The following CNOT1 variants were observed in gnomAD, a reference collection of about 807,000 sequenced individuals.
CNOT1 encodes the protein CCR4-associated factor 1.
Under a neutral mutation model 273.8 loss-of-function variants are expected in CNOT1, and 15 were observed. The observed-to-expected ratio is 0.05, with a 90% CI of 0.04 to 0.08. The LOEUF is 0.08. Ranked by LOEUF, CNOT1 falls within the 10% of genes least tolerant of loss-of-function variation. The pLI is 1.00. For synonymous variants in CNOT1, 1,022 were observed against 1,005.5 expected, an observed-to-expected ratio of 1.02 and a Z score of -0.31; for missense variants, 1,644 against 2,912.2, an observed-to-expected ratio of 0.56 and a Z score of 10.02.
At chr16:58,615,070 C>T (rs1227311614) in intron 1 of CNOT1, among the ~76,000 whole-genome samples, 1 of 123,230 alleles carries the variant, frequency 8.1e-6, no homozygotes, top group Non-Finnish European at 1.9e-5. Flanking sequence ...TAGTGAATTA[C>T]TGAACCTGCA....
intron 16 of CNOT1, among the ~76,000 whole-genome samples, chr16:58,574,268 T>C (rs898705961): frequency 1.3e-5 from 2 of 151,884 alleles, no homozygotes; most frequent in African/African-American, 4.8e-5. Context: ...AGCAAGACCT[T>C]GCCACTTAAA....
intron 16 of CNOT1, among the ~76,000 whole-genome samples, chr16:58,563,142 C>G (rs915870339): frequency 1.3e-5 from 2 of 152,134 alleles, no homozygotes; most frequent in Admixed American, 6.5e-5. Context: ...AAATACAGTC[C>G]CATACCACAT....
At chr16:58,576,332 G>T in intron 14 of CNOT1, 131 bp downstream of exon 14, 1 of 1,335,376 alleles carries the variant, frequency 7.5e-7, no homozygotes, top group Non-Finnish European at 1.0e-6. Context: ...GGCTGGTCTC[G>T]AATTCCTGAC....
At chr16:58,557,521 TAG>T (rs1479955123) in intron 18 of CNOT1, among the ~76,000 whole-genome samples, 4 of 152,116 alleles carry the variant, frequency 2.6e-5, no homozygotes, top group Admixed American at 2.6e-4. Flanking sequence ...CTAACTAGAT[TAG>T]AGTCAATGAC....
chr16:58,556,148 A>G (rs2040622064), intron 19 of CNOT1, among the ~76,000 whole-genome samples: 1 of 152,224 alleles, frequency 6.6e-6, no homozygotes, highest in Non-Finnish European at 1.5e-5. Context: ...TTATTAACAC[A>G]AAAGTTAACT....
rs777575946 is a variant in CNOT1, at chr16:58,560,189, T to C, written c.2130+23A>G. 7 of 1,609,708 alleles carry C rather than the reference T, an allele frequency of 4.3e-6. No individual in the cohort carries two copies. The South Asian group carries it at 5.5e-5, about 13-fold the overall frequency. Reference sequence around the variant, plus strand: ...TCCAAATCTATGGCAAATGAAGATGTATCAAATGTAGCACTCATTTACCTG... The same window carrying C: ...TCCAAATCTATGGCAAATGAAGATGCATCAAATGTAGCACTCATTTACCTG... On this transcript the variant is annotated intron_variant, in intron 17 of 48. Transcript: ENST00000317147.
intron 1 of CNOT1, among the ~76,000 whole-genome samples, chr16:58,606,507 A>G (rs2042680886): frequency 6.6e-6 from 1 of 152,192 alleles, no homozygotes; most frequent in Admixed American, 6.5e-5. Context: ...AAATGAGTGT[A>G]AAGATTATCT....
chr16:58,524,618 A>G lies in CNOT1; in HGVS notation c.6784+561T>C, dbSNP rs185677583. On this transcript the variant is annotated intron_variant, in intron 46 of 48. Transcript: ENST00000317147. ...TTAAAGAGTAGTGTCCCCCTAAAATATATGTATGCAAAACTGGACAGGACT... is the reference window on the plus strand; with the variant it reads ...TTAAAGAGTAGTGTCCCCCTAAAATGTATGTATGCAAAACTGGACAGGACT... 6.6e-5 allele frequency among the ~76,000 whole-genome samples: 10 copies of G among 152,244 alleles called. No individual in the cohort carries two copies. In the East Asian group the frequency reaches 1.4e-3, roughly 21 times the overall value.
intron 1 of CNOT1, among the ~76,000 whole-genome samples, chr16:58,627,890 C>G (rs1008020823): frequency 6.6e-6 from 1 of 152,186 alleles, no homozygotes; most frequent in Non-Finnish European, 1.5e-5. Context: ...TGCAGTAGCT[C>G]TATCTCGGCT....
intron 10 of CNOT1, 43 bp downstream of exon 10, chr16:58,582,750 A>C (rs1052277414): frequency 3.5e-6 from 4 of 1,144,488 alleles, no homozygotes; most frequent in Non-Finnish European, 5.3e-6. Flanking sequence ...GGACTATATC[A>C]TTCAAATACC....
intron 40 of CNOT1, among the ~76,000 whole-genome samples, chr16:58,533,942 C>A (rs1442695437): frequency 6.6e-6 from 1 of 151,916 alleles, no homozygotes; most frequent in South Asian, 2.1e-4. Context: ...CCAGCTTGGG[C>A]AACATGGTAA....
rs1348611614 is a variant in CNOT1, at chr16:58,614,274, T to C, written c.-174-14763A>G. On this transcript the variant is annotated intron_variant, in intron 1 of 48. Coordinates refer to ENST00000317147, the MANE Select transcript of CNOT1 (RefSeq NM_016284.5). ...GCTGTCCTTAGAAAGGCTTGCACAG[T>C]TGGCCCTTGGCTGGTCTCTGATAAC... Among the ~76,000 whole-genome samples the C allele has an allele frequency of 1.6e-5, 2 of 123,718 alleles. 1 individual carries two copies. The highest frequency in any genetic ancestry group is 3.8e-5 in the Non-Finnish European group (2 of 52,186). 81.2% of individuals were successfully genotyped at this position (123,718 alleles called of 152,430 possible).
chr16:58,627,030 C>T (rs2043612873), intron 1 of CNOT1, among the ~76,000 whole-genome samples: 1 of 151,926 alleles, frequency 6.6e-6, no homozygotes, highest in South Asian at 2.1e-4. Flanking sequence ...TGGACAAATT[C>T]CATTCTCTGG....
At chr16:58,628,754 G>C (rs2152063268) in intron 1 of CNOT1, among the ~76,000 whole-genome samples, 1 of 152,292 alleles carries the variant, frequency 6.6e-6, no homozygotes, top group Middle Eastern at 3.4e-3. Flanking sequence ...GGAAAAGTTT[G>C]TCATAAAGTT....
chr16:58,531,786 C>G (rs2039786012), intron 42 of CNOT1, among the ~76,000 whole-genome samples, 172 bp downstream of exon 42: 1 of 152,180 alleles, frequency 6.6e-6, no homozygotes, highest in Non-Finnish European at 1.5e-5. Flanking sequence ...GAATGGCTTT[C>G]AGGCAGAGGC....
Position 58,602,253 on chromosome 16 carries a change from T to A in CNOT1, c.-174-2742A>T, listed in dbSNP as rs1310702680. 3.3e-5 allele frequency among the ~76,000 whole-genome samples: 5 copies of A among 151,902 alleles called. No homozygotes were observed. The East Asian group carries it at 9.7e-4, about 30-fold the overall frequency. The stretch of plus-strand genomic sequence containing the variant: ...CTGGCTAATTTTGTATTTTTTCTAG[T>A]AGAGATGGGGTTTCTCCATGATGGT... On this transcript the variant is annotated intron_variant, in intron 1 of 48. Coordinates refer to ENST00000317147, the MANE Select transcript of CNOT1 (RefSeq NM_016284.5).
intron 47 of CNOT1, among the ~76,000 whole-genome samples, chr16:58,522,513 TAGGCA>T (rs2039436214): frequency 6.6e-6 from 1 of 152,164 alleles, no homozygotes; most frequent in Admixed American, 6.5e-5. Context: ...GGTGACTAAT[TAGGCA>T]AATGAGCAAG....
chr16:58,551,909 C>CT, intron 22 of CNOT1, 90 bp from the exon 23 acceptor site: 1 of 1,526,060 alleles, frequency 6.6e-7, no homozygotes, highest in African/African-American at 1.4e-5. Context: ...AAAAACATGT[C>CT]TGAGTGCTCT....
chr16:58,534,417 A>G, intron 39 of CNOT1, 22 bp from the exon 40 acceptor site: 1 of 1,609,930 alleles, frequency 6.2e-7, no homozygotes, highest in Non-Finnish European at 8.5e-7. Context: ...ACAAAAAATA[A>G]AGACACAATG....
Sources: gnomAD v4.1 joint callset for allele counts (sites outside exome capture counted in the v4.1 genomes callset) on GRCh38, gnomAD v4.1.1 for gene constraint, MANE v1.5 for transcripts, NCBI Gene and HGNC (gene_info 2026-07-23, HGNC 2026-07-21) for gene names.